The following KIAA1328 variants were observed in gnomAD, a reference collection of about 807,000 sequenced individuals.
KIAA1328 encodes KIAA1328.
KIAA1328 carries 52 observed loss-of-function variants against 68.1 expected under a neutral mutation model. The observed-to-expected ratio is 0.76, with a 90% CI of 0.61 to 0.96. The LOEUF is 0.96. KIAA1328 is among the 40% of genes least tolerant of loss of function. The pLI, the probability that KIAA1328 is intolerant of heterozygous loss-of-function variation, is 0.00. For synonymous variants in KIAA1328, 232 were observed against 239.4 expected, an observed-to-expected ratio of 0.97 and a Z score of 0.28; for missense variants, 641 against 677.6, an observed-to-expected ratio of 0.95 and a Z score of 0.60.
At chr18:37,157,364 C>A (rs2059174591) in intron 7 of KIAA1328, among the ~76,000 whole-genome samples, 2 of 152,074 alleles carry the variant, frequency 1.3e-5, no homozygotes, top group Non-Finnish European at 2.9e-5. Context: ...TTCTTCTACT[C>A]CCTTCTAGTT....
At chr18:36,876,523 C>A (rs1016191612) in intron 4 of KIAA1328, among the ~76,000 whole-genome samples, 28 of 151,838 alleles carry the variant, frequency 1.8e-4, no homozygotes, top group African/African-American at 6.8e-4. Flanking sequence ...TGGTGATATC[C>A]CCTTTATCAT....
At chr18:36,842,673 T>A (rs1286731596) in intron 3 of KIAA1328, among the ~76,000 whole-genome samples, 5 of 147,592 alleles carry the variant, frequency 3.4e-5, no homozygotes, top group African/African-American at 1.2e-4. Flanking sequence ...ACTAATTATT[T>A]ATTTTTTTTT....
chr18:37,152,442 G>A (rs1199410021), intron 7 of KIAA1328, among the ~76,000 whole-genome samples: 1 of 152,174 alleles, frequency 6.6e-6, no homozygotes, highest in African/African-American at 2.4e-5. Flanking sequence ...GTTCTCCCTA[G>A]TAGAAGGCGA....
intron 5 of KIAA1328, among the ~76,000 whole-genome samples, chr18:36,945,808 G>A (rs1280729079): frequency 1.3e-5 from 2 of 152,240 alleles, no homozygotes; most frequent in East Asian, 1.9e-4. Context: ...AGAGGGTGTG[G>A]TTGTTTCCTT....
At chr18:37,099,536 A>C (rs186889318) in intron 7 of KIAA1328, among the ~76,000 whole-genome samples, 8 of 152,320 alleles carry the variant, frequency 5.3e-5, no homozygotes, top group African/African-American at 1.9e-4. Flanking sequence ...TGATGCTGAG[A>C]AGAATGTATA....
intron 7 of KIAA1328, among the ~76,000 whole-genome samples, chr18:37,083,557 C>G (rs2057012062): frequency 6.6e-6 from 1 of 152,194 alleles, no homozygotes; most frequent in Non-Finnish European, 1.5e-5. Context: ...TTTTCCATGG[C>G]TTTCCCTCCT....
chr18:37,208,197 C>G (rs1465970), intron 9 of KIAA1328, among the ~76,000 whole-genome samples: 11,304 of 152,198 alleles, frequency 0.074, 470 homozygotes, highest in East Asian at 0.15. Flanking sequence ...CCCTCCTCCC[C>G]CTACATTGGT....
chr18:36,882,828 G>A (rs2048367575), intron 4 of KIAA1328, among the ~76,000 whole-genome samples: 1 of 152,144 alleles, frequency 6.6e-6, no homozygotes, highest in Non-Finnish European at 1.5e-5. Context: ...TTACATTAAT[G>A]TTAAGGTAAA....
chr18:37,029,721 A>T (rs900601547), intron 6 of KIAA1328, among the ~76,000 whole-genome samples: 2 of 152,270 alleles, frequency 1.3e-5, no homozygotes, highest in Admixed American at 1.3e-4. Flanking sequence ...GTTTGGGATG[A>T]GGGTAATTCT....
At chr18:36,927,188 A>G (rs747317641) in intron 5 of KIAA1328, among the ~76,000 whole-genome samples, 4 of 152,198 alleles carry the variant, frequency 2.6e-5, no homozygotes, top group Non-Finnish European at 5.9e-5. Context: ...AAGGGTCAGT[A>G]ATGTAACAAT....
chr18:37,050,074 A>G (rs2055629991), intron 6 of KIAA1328, among the ~76,000 whole-genome samples: 1 of 152,182 alleles, frequency 6.6e-6, no homozygotes, highest in Non-Finnish European at 1.5e-5. Context: ...AAAAGAACCC[A>G]TTGAAACATC....
At chr18:37,100,886 T>A (rs2057591381) in intron 7 of KIAA1328, among the ~76,000 whole-genome samples, 1 of 152,210 alleles carries the variant, frequency 6.6e-6, no homozygotes. Context: ...CTGCAGCCTG[T>A]GCTGCTGATA....
chr18:36,990,728 T>C (rs1337487857), intron 6 of KIAA1328, among the ~76,000 whole-genome samples: 1 of 152,012 alleles, frequency 6.6e-6, no homozygotes, highest in Non-Finnish European at 1.5e-5. Context: ...TTACAGAGAA[T>C]ACAGCAGTGA....
chr18:37,158,565 A>T (rs1454546419), intron 7 of KIAA1328, among the ~76,000 whole-genome samples: 1 of 152,172 alleles, frequency 6.6e-6, no homozygotes, highest in Non-Finnish European at 1.5e-5. Context: ...TGCAAATAAA[A>T]GGTAAAATTT....
chr18:36,983,062 C>T (rs1030177865), intron 6 of KIAA1328, among the ~76,000 whole-genome samples: 4 of 151,658 alleles, frequency 2.6e-5, no homozygotes, highest in East Asian at 1.9e-4. Context: ...GGAGAGAAAG[C>T]GCTTGCAATA....
chr18:37,194,959 A>G (rs957339530), intron 9 of KIAA1328, among the ~76,000 whole-genome samples: 1 of 152,256 alleles, frequency 6.6e-6, no homozygotes, highest in East Asian at 1.9e-4. Context: ...CGCCCAGCCT[A>G]TGGTTGCTTT....
At chr18:37,056,761 C>T (rs1186556138) in intron 6 of KIAA1328, among the ~76,000 whole-genome samples, 1 of 152,090 alleles carries the variant, frequency 6.6e-6, no homozygotes, top group Non-Finnish European at 1.5e-5. Context: ...AGCAGTTCTC[C>T]TGCTTCAGCC....
chr18:37,076,621 A>C (rs1210393388), intron 7 of KIAA1328, among the ~76,000 whole-genome samples: 1 of 152,022 alleles, frequency 6.6e-6, no homozygotes, highest in East Asian at 1.9e-4. Context: ...AGAAGAATCA[A>C]ATAGATGCAA....
chr18:36,892,540 A>G (rs540767002), intron 5 of KIAA1328, among the ~76,000 whole-genome samples: 4 of 152,152 alleles, frequency 2.6e-5, no homozygotes, highest in Admixed American at 6.5e-5. Flanking sequence ...GTGAAAGAAT[A>G]TATTATGTAC....
Sources: gnomAD v4.1 joint callset for allele counts (sites outside exome capture counted in the v4.1 genomes callset) on GRCh38, gnomAD v4.1.1 for gene constraint, MANE v1.5 for transcripts, NCBI Gene and HGNC (gene_info 2026-07-23, HGNC 2026-07-21) for gene names.